The following CSGALNACT1 variants were observed in gnomAD, a reference collection of about 807,000 sequenced individuals.
CSGALNACT1 encodes the protein beta4GalNAcT-1.
Under a neutral mutation model 51.0 loss-of-function variants are expected in CSGALNACT1, and 52 were observed. The observed-to-expected ratio is 1.02, with a 90% CI of 0.82 to 1.29. CSGALNACT1 has a LOEUF of 1.29. CSGALNACT1 is among the 50% of genes most tolerant of loss of function. CSGALNACT1 has a pLI of 0.00. For synonymous variants in CSGALNACT1, 341 were observed against 254.4 expected (o/e 1.34, Z -3.24); for missense variants, 935 against 679.2 (o/e 1.38, Z -4.19).
chr8:19,435,536 C>G (rs1206881254), intron 6 of CSGALNACT1, among the ~76,000 whole-genome samples: 1 of 151,618 alleles, frequency 6.6e-6, no homozygotes, highest in Admixed American at 6.6e-5. Context: ...AAGCGAGTAT[C>G]TAAAGCAGCA....
exon 10 of CSGALNACT1, chr8:19,404,620 A>ATT (rs1350535687): frequency 9.1e-6 from 4 of 440,560 alleles, no homozygotes; most frequent in African/African-American, 8.2e-5. Context: ...ATATATATAT[A>ATT]TATTTTTTTC....
intron 1 of CSGALNACT1, among the ~76,000 whole-genome samples, chr8:19,734,104 C>A (rs1016831070): frequency 6.6e-6 from 1 of 152,138 alleles, no homozygotes; most frequent in Non-Finnish European, 1.5e-5. Flanking sequence ...TATAACAGAA[C>A]CTGAATGGCC....
chr8:19,423,731 G>A (rs2058321164), intron 6 of CSGALNACT1, among the ~76,000 whole-genome samples: 1 of 152,168 alleles, frequency 6.6e-6, no homozygotes, highest in South Asian at 2.1e-4. Context: ...GCAAATGGAT[G>A]CTGGGGAACA....
chr8:19,644,609 CTG>C (rs1056248293), intron 1 of CSGALNACT1, among the ~76,000 whole-genome samples: 8 of 145,832 alleles, frequency 5.5e-5, no homozygotes, highest in African/African-American at 2.0e-4. Context: ...ACTTGGGAGA[CTG>C]AGACAGGAGA....
upstream of CSGALNACT1, chr8:19,682,991 C>G (rs774486647): frequency 2.5e-5 from 7 of 284,004 alleles, no homozygotes; most frequent in Non-Finnish European, 5.0e-5. Context: ...GCAGGTAGAA[C>G]GAGTTCACCC....
At chr8:19,494,370 G>C (rs2075050165) in intron 4 of CSGALNACT1, among the ~76,000 whole-genome samples, 1 of 152,154 alleles carries the variant, frequency 6.6e-6, no homozygotes. Flanking sequence ...CTCAAGAGTA[G>C]CCTTCCCTGT....
chr8:19,409,908 T>C (rs2055301153), intron 8 of CSGALNACT1, among the ~76,000 whole-genome samples: 1 of 152,154 alleles, frequency 6.6e-6, no homozygotes, highest in Admixed American at 6.5e-5. Flanking sequence ...AATTCACTCA[T>C]CCCTTAGGTG....
intron 3 of CSGALNACT1, among the ~76,000 whole-genome samples, chr8:19,532,603 C>G (rs2082984108): frequency 1.3e-5 from 2 of 152,186 alleles, no homozygotes; most frequent in Non-Finnish European, 2.9e-5. Context: ...GGAAAGTCCT[C>G]ACACTGACCC....
intron 3 of CSGALNACT1, among the ~76,000 whole-genome samples, chr8:19,521,170 A>C (rs2080607620): frequency 6.6e-6 from 1 of 152,204 alleles, no homozygotes; most frequent in Non-Finnish European, 1.5e-5. Flanking sequence ...CAGCTGTCTA[A>C]GATTTTAAAC....
intron 3 of CSGALNACT1, among the ~76,000 whole-genome samples, chr8:19,513,517 C>A (rs2078907801): frequency 6.7e-6 from 1 of 148,910 alleles, no homozygotes; most frequent in African/African-American, 2.5e-5. Flanking sequence ...CCAACACCTA[C>A]AACTGCTAGA....
intron 1 of CSGALNACT1, among the ~76,000 whole-genome samples, chr8:19,748,879 C>T (rs374703008): frequency 2.5e-4 from 38 of 151,648 alleles, no homozygotes; most frequent in East Asian, 1.2e-3. Context: ...GCAGGAGGAT[C>T]GCTTGAACCC....
chr8:19,750,437 G>C (rs930940543), intron 1 of CSGALNACT1, among the ~76,000 whole-genome samples: 3 of 152,178 alleles, frequency 2.0e-5, no homozygotes, highest in Non-Finnish European at 4.4e-5. Context: ...AAGAGGGAAG[G>C]GAAGGGAGAG....
At chr8:19,503,346 G>A (rs1409632578) in intron 4 of CSGALNACT1, among the ~76,000 whole-genome samples, 1 of 152,190 alleles carries the variant, frequency 6.6e-6, no homozygotes, top group Non-Finnish European at 1.5e-5. Context: ...CAAATATACT[G>A]AGGGGCAAGA....
intron 4 of CSGALNACT1, among the ~76,000 whole-genome samples, chr8:19,464,550 C>T (rs2066251052): frequency 6.6e-6 from 1 of 151,998 alleles, no homozygotes; most frequent in African/African-American, 2.4e-5. Flanking sequence ...GTCCCCAAGC[C>T]ACGGAATGGT....
Position 19,428,259 on chromosome 8 carries a change from C to T in CSGALNACT1, c.954-7741G>A, listed in dbSNP as rs1026488953. On this transcript the variant is annotated intron_variant, in intron 6 of 9. Coordinates refer to ENST00000454498, the Ensembl canonical transcript of CSGALNACT1. Reference sequence around the variant, plus strand: ...TTTCACACTGCTAATAAAGACATATCGAAGACTGGGTAATTTCTAAAGGAA... The same window carrying T: ...TTTCACACTGCTAATAAAGACATATTGAAGACTGGGTAATTTCTAAAGGAA... 4.6e-5 allele frequency among the ~76,000 whole-genome samples: 7 copies of T among 152,128 alleles called. No homozygotes were observed. The East Asian group carries it at 9.6e-4, about 21-fold the overall frequency.
chr8:19,719,442 C>A (rs1022529975), intron 1 of CSGALNACT1, among the ~76,000 whole-genome samples: 1 of 152,102 alleles, frequency 6.6e-6, no homozygotes, highest in Non-Finnish European at 1.5e-5. Context: ...TCTGTTATGA[C>A]CAACCAAAAC....
chr8:19,501,618 C>CATAGGGGGG (rs1266950120), intron 4 of CSGALNACT1, among the ~76,000 whole-genome samples: 1 of 152,198 alleles, frequency 6.6e-6, no homozygotes, highest in Non-Finnish European at 1.5e-5. Context: ...ATGGTAGACA[C>CATAGGGGGG]AAATGCCTCA....
intron 1 of CSGALNACT1, among the ~76,000 whole-genome samples, chr8:19,623,525 C>T (rs185555509): frequency 9.8e-5 from 15 of 152,290 alleles, no homozygotes; most frequent in Admixed American, 8.5e-4. Context: ...TATCCACCAA[C>T]TGTAGAATGT....
At chr8:19,505,607 C>T (rs1211464309) in exon 4 of CSGALNACT1, 1 of 1,614,142 alleles carries the variant, frequency 6.2e-7, no homozygotes, top group Non-Finnish European at 8.5e-7. Context: ...CGATCTGCCG[C>T]TTCAGGCTGC....
Sources: allele counts gnomAD v4.1 joint callset (sites outside exome capture counted in the v4.1 genomes callset), GRCh38; gene constraint gnomAD v4.1.1; transcripts MANE v1.5; gene names NCBI Gene and HGNC (gene_info 2026-07-23, HGNC 2026-07-21).